DIO1: variants seen among roughly 807,000 people sequenced by gnomAD.
DIO1 encodes the protein type I iodothyronine deiodinase.
Under a neutral mutation model 25.9 loss-of-function variants are expected in DIO1, and 17 were observed. The observed-to-expected ratio is 0.66, with a 90% CI of 0.45 to 0.98. The LOEUF (loss-of-function observed/expected upper bound fraction) is 0.98, where lower values mean the gene tolerates loss of function less well. Ranked by LOEUF, DIO1 falls within the 50% of genes least tolerant of loss-of-function variation. The probability of loss-of-function intolerance (pLI) is 0.00; values close to 1 mark genes in which losing one functional copy is unlikely to be tolerated. For missense variants in DIO1, 270 were observed against 310.4 expected, an observed-to-expected ratio of 0.87 and a Z score of 0.98; for synonymous variants, 115 against 114.0, an observed-to-expected ratio of 1.01 and a Z score of -0.05.
intron 2 of DIO1, among the ~76,000 whole-genome samples, chr1:53,905,782 G>A (rs781642463): frequency 3.9e-5 from 6 of 152,144 alleles, no homozygotes; most frequent in Non-Finnish European, 5.9e-5. Flanking sequence ...TTCCACCTTC[G>A]ACAGACCGAA....
At chr1:53,896,862 A>G (rs941094421) in intron 1 of DIO1, among the ~76,000 whole-genome samples, 3 of 152,222 alleles carry the variant, frequency 2.0e-5, no homozygotes, top group Non-Finnish European at 2.9e-5. Flanking sequence ...TGACAAGGAA[A>G]AAGGGAAGAG....
Position 53,902,252 on chromosome 1 carries a change from G to A in DIO1, c.338-2414G>A, listed in dbSNP as rs989179277. ...GCTCCTCAAAGGCCTTCCCTGCCCC[G>A]CCTGTCTAAAATAGGTAACTCCTTT... is the stretch of plus-strand genomic sequence containing the variant. On this transcript the variant is annotated intron_variant, in intron 1 of 3. Transcript: ENST00000361921. Among the ~76,000 whole-genome samples, 44 of 151,736 alleles carry A rather than the reference G, an allele frequency of 2.9e-4. 1 individual carries two copies. Among genetic ancestry groups the A allele is most frequent in the Admixed American group, 7.9e-4 (12 of 15,264 alleles).
rs1651879721 is a variant in DIO1 at position 53,910,268 on chromosome 1, T to C, written c.*269T>C. On this transcript the variant is annotated 3_prime_UTR_variant, in exon 4 of 4. Transcript: ENST00000361921. ...AGAAACAGTTCCCTGTTGAAGAAAG[T>C]AGAGCCTGACACTGCTCCCACTTTG... 2 of 453,444 alleles carry C rather than the reference T, an allele frequency of 4.4e-6. No homozygotes were observed. Among genetic ancestry groups the C allele is most frequent in the South Asian group, 2.4e-5 (1 of 41,242 alleles). 28.1% of individuals were successfully genotyped at this position (453,444 alleles called of 1,614,324 possible).
At chr1:53,907,913 G>GAAA (rs34264508) in intron 3 of DIO1, among the ~76,000 whole-genome samples, 2 of 46,798 alleles carry the variant, frequency 4.3e-5, no homozygotes, top group Non-Finnish European at 7.2e-5. Flanking sequence ...CTCTGTCTCG[G>GAAA]AAAAAAAAAA....
chr1:53,900,982 C>CTTTTT (rs71063891), intron 1 of DIO1, among the ~76,000 whole-genome samples: 9 of 72,084 alleles, frequency 1.2e-4, no homozygotes, highest in South Asian at 5.6e-4. Context: ...GGCCAGCTAA[C>CTTTTT]TTTTTTTTTT....
At position 53,894,594 on chromosome 1, in the gene DIO1, T is replaced by C. The variant is rs779781725; in HGVS notation, c.337+47T>C. The C allele has an allele frequency of 5.2e-6, 8 of 1,528,944 alleles. No individual in the cohort carries two copies. Among genetic ancestry groups the C allele is most frequent in the Non-Finnish European group, 7.1e-6 (8 of 1,126,732 alleles). The allele number at this position is 1,528,944 out of a possible 1,614,324, so 94.7% of individuals were successfully genotyped here. ...TGAGGGGTGCTTGAAATAGCAGTGGTAGAGGGGGATGAAGAGATGGGTTGG... is the reference window on the plus strand; with the variant it reads ...TGAGGGGTGCTTGAAATAGCAGTGGCAGAGGGGGATGAAGAGATGGGTTGG... On this transcript the variant is annotated intron_variant, in intron 1 of 3. Transcript: ENST00000361921. The surrounding 1 kb of genome is among the most constrained non-coding windows in gnomAD (Gnocchi z 4.9).
At chr1:53,899,536 C>G (rs927386039) in intron 1 of DIO1, among the ~76,000 whole-genome samples, 2 of 152,228 alleles carry the variant, frequency 1.3e-5, no homozygotes, top group Non-Finnish European at 2.9e-5. Flanking sequence ...CTGTACCCAA[C>G]CACACTATAA....
intron 2 of DIO1, 148 bp downstream of exon 2, chr1:53,904,957 C>T: frequency 2.5e-6 from 2 of 811,860 alleles, no homozygotes; most frequent in Admixed American, 5.4e-5. Context: ...CCCACCACTC[C>T]CAGGCCCTGC....
intron 3 of DIO1, among the ~76,000 whole-genome samples, chr1:53,907,633 C>A (rs1219318260): frequency 6.6e-6 from 1 of 152,176 alleles, no homozygotes; most frequent in African/African-American, 2.4e-5. Flanking sequence ...CATACCTAGC[C>A]GGGTGCAGTG....
intron 3 of DIO1, among the ~76,000 whole-genome samples, chr1:53,909,403 G>A (rs765836251): frequency 3.3e-5 from 5 of 151,984 alleles, no homozygotes; most frequent in African/African-American, 1.2e-4. Flanking sequence ...GCAACAGAGC[G>A]AGACTCTGTC....
At chr1:53,897,738 G>C (rs1380665750) in intron 1 of DIO1, among the ~76,000 whole-genome samples, 1 of 152,080 alleles carries the variant, frequency 6.6e-6, no homozygotes, top group Non-Finnish European at 1.5e-5. Flanking sequence ...TGTAGTCCCA[G>C]CTACTCAGGA....
intron 3 of DIO1, among the ~76,000 whole-genome samples, chr1:53,907,091 C>T (rs1391338732): frequency 2.0e-5 from 3 of 152,184 alleles, no homozygotes; most frequent in Admixed American, 6.5e-5. Flanking sequence ...CTAACATTTG[C>T]GGCAGGCCTG....
chr1:53,902,821 C>T (rs1225305135), intron 1 of DIO1, among the ~76,000 whole-genome samples: 1 of 151,322 alleles, frequency 6.6e-6, no homozygotes, highest in Admixed American at 6.6e-5. Flanking sequence ...TAATGTTCTG[C>T]AGCAGCTGTC....
intron 1 of DIO1, among the ~76,000 whole-genome samples, chr1:53,897,503 A>G (rs1651141517): frequency 6.6e-6 from 1 of 152,012 alleles, no homozygotes; most frequent in African/African-American, 2.4e-5. Flanking sequence ...AATATAAAAT[A>G]AAATAAAAAC....
chr1:53,902,279 T>C (rs1476862295), intron 1 of DIO1, among the ~76,000 whole-genome samples: 1 of 151,908 alleles, frequency 6.6e-6, no homozygotes, highest in Non-Finnish European at 1.5e-5. Context: ...AACTCCTTTA[T>C]AGCCTCTCTC....
At position 53,910,245 on chromosome 1, in the gene DIO1, A is replaced by G; in HGVS notation, c.*246A>G. On this transcript the variant is annotated 3_prime_UTR_variant, in exon 4 of 4. Transcript: ENST00000361921. Reference sequence around the variant, plus strand: ...TGTTCAGGCCAGTTCCCTGTTGAAGAAACAGTTCCCTGTTGAAGAAAGTAG... The same window carrying G: ...TGTTCAGGCCAGTTCCCTGTTGAAGGAACAGTTCCCTGTTGAAGAAAGTAG... 2.0e-6 allele frequency: 1 copy of G among 499,424 alleles called. No homozygotes were observed. The highest frequency in any genetic ancestry group is 3.6e-6 in the Non-Finnish European group (1 of 274,674). 30.9% of individuals were successfully genotyped at this position (499,424 alleles called of 1,614,324 possible). A position where few individuals can be genotyped will look rare whatever the true frequency, so the allele number is the denominator to read the frequency against.
intron 3 of DIO1, among the ~76,000 whole-genome samples, chr1:53,908,384 A>C (rs950560952): frequency 6.6e-6 from 1 of 152,170 alleles, no homozygotes; most frequent in African/African-American, 2.4e-5. Context: ...CTGATAGTAA[A>C]TATTTTCAAC....
intron 1 of DIO1, among the ~76,000 whole-genome samples, chr1:53,897,995 G>A (rs1349079586): frequency 1.3e-5 from 2 of 152,130 alleles, no homozygotes; most frequent in African/African-American, 2.4e-5. Context: ...CTAACAATAC[G>A]GAAATAAACA....
chr1:53,894,565 C>A lies in DIO1; in HGVS notation c.337+18C>A, dbSNP rs1650977020. 1 of 1,600,188 alleles carries A rather than the reference C, an allele frequency of 6.2e-7. No homozygotes were observed. The highest frequency in any genetic ancestry group is 1.3e-5 in the African/African-American group (1 of 74,786). ...TATGCAAGGTCAGGAGGCTGCCACA[C>A]ACTTGAGGGGTGCTTGAAATAGCAG... is the stretch of plus-strand genomic sequence containing the variant. On this transcript the variant is annotated intron_variant, in intron 1 of 3. Coordinates refer to ENST00000361921, the MANE Select transcript of DIO1 (RefSeq NM_000792.7). The surrounding 1 kb of genome is among the most constrained non-coding windows in gnomAD (Gnocchi z 4.9).
Sources: gnomAD v4.1 joint callset for allele counts (sites outside exome capture counted in the v4.1 genomes callset) on GRCh38, gnomAD v4.1.1 for gene constraint, Gnocchi (gnomAD v3.1) non-coding constraint, MANE v1.5 for transcripts, NCBI Gene and HGNC (gene_info 2026-07-23, HGNC 2026-07-21) for gene names.